The following NLRP8 variants were observed in gnomAD, a reference collection of about 807,000 sequenced individuals.
The protein encoded by NLRP8 is NLR family pyrin domain containing 8.
In NLRP8, 86 loss-of-function variants were observed where a neutral mutation model predicts 88.7. The observed-to-expected ratio is 0.97, with a 90% CI of 0.81 to 1.16. NLRP8 has a LOEUF of 1.16. NLRP8 is among the 50% of genes most tolerant of loss of function. The probability of loss-of-function intolerance (pLI) is 0.00; values close to 1 mark genes in which losing one functional copy is unlikely to be tolerated. For synonymous variants in NLRP8, 504 were observed against 494.6 expected (o/e 1.02, Z -0.25); for missense variants, 1,342 against 1,286.5 (o/e 1.04, Z -0.66).
rs1978931073 is a variant in NLRP8, at chr19:55,948,122, G to C, written c.220G>C (p.Asp74His). Residue 74 changes from aspartate to histidine, a missense_variant, in exon 1 of 10, where the codon GAC (aspartate) becomes CAC (histidine). Asp to His is a moderately conservative substitution (Grantham distance 81). Coordinates refer to ENST00000291971, the MANE Select transcript of NLRP8 (RefSeq NM_176811.2). The stretch of plus-strand genomic sequence containing the variant: ...TACTGGCACCATGCCCATCACCTGG[G>C]ACCAGGTCGAGACAGCCAGCTGGGC... 3 of 1,614,164 alleles carry C rather than the reference G, an allele frequency of 1.9e-6. No homozygotes were observed. Among genetic ancestry groups the C allele is most frequent in the East Asian group, 4.5e-5 (2 of 44,870 alleles).
chr19:55,953,155 A>T (rs1269685840), intron 2 of NLRP8, among the ~76,000 whole-genome samples: 1 of 152,016 alleles, frequency 6.6e-6, no homozygotes, highest in African/African-American at 2.4e-5. Context: ...AGATTCTCAT[A>T]GGAGTGCAAA....
chr19:55,955,104 C>A lies in NLRP8; in HGVS notation c.1046C>A (p.Pro349His), dbSNP rs771782506. 5 of 1,614,020 alleles carry A rather than the reference C, an allele frequency of 3.1e-6. No homozygotes were observed. The South Asian group carries it at 3.3e-5, about 11-fold the overall frequency. ...ACATGCAAGCCCTTGCTGAAATGTC[C>A]CTCTCTCGTAACCCTTCCGGGGTTT... Residue 349 changes from proline (P) to histidine (H), a missense_variant, in exon 3 of 10, where the codon CCC becomes CAC. Coordinates refer to ENST00000291971, the MANE Select transcript of NLRP8 (RefSeq NM_176811.2).
intron 2 of NLRP8, among the ~76,000 whole-genome samples, chr19:55,953,034 G>A (rs1979166836): frequency 6.6e-6 from 1 of 152,176 alleles, no homozygotes; most frequent in Non-Finnish European, 1.5e-5. Flanking sequence ...GGGCCACACA[G>A]CAGGAGGTGA....
chr19:55,970,445 G>T (rs1980023394), intron 5 of NLRP8, 99 bp from the exon 6 acceptor site: 1 of 1,361,674 alleles, frequency 7.3e-7, no homozygotes, highest in Non-Finnish European at 1.0e-6. Flanking sequence ...CCGAGTCTCT[G>T]CTGTGAAGAC....
intron 3 of NLRP8, among the ~76,000 whole-genome samples, chr19:55,960,552 C>G (rs146362720): frequency 6.6e-6 from 1 of 152,134 alleles, no homozygotes; most frequent in Non-Finnish European, 1.5e-5. Flanking sequence ...GCGTAAAGAC[C>G]TGACATCCGT....
intron 2 of NLRP8, among the ~76,000 whole-genome samples, chr19:55,953,614 C>T (rs1350025327): frequency 6.6e-5 from 10 of 152,026 alleles, no homozygotes; most frequent in Admixed American, 1.3e-4. Flanking sequence ...ATTCTCCTGC[C>T]TTAGCCTCCT....
intron 1 of NLRP8, among the ~76,000 whole-genome samples, chr19:55,949,517 T>A (rs1397129332): frequency 6.6e-6 from 1 of 152,144 alleles, no homozygotes; most frequent in Non-Finnish European, 1.5e-5. Context: ...GAATTACAGG[T>A]GTGAGCCACC....
intron 8 of NLRP8, among the ~76,000 whole-genome samples, chr19:55,977,071 C>G (rs1273176202): frequency 1.4e-5 from 2 of 142,066 alleles, no homozygotes; most frequent in East Asian, 2.0e-4. Flanking sequence ...CAGAGTGAGA[C>G]TCTGTCTCAA....
chr19:55,961,990 C>T, intron 3 of NLRP8, 77 bp from the exon 4 acceptor site: 2 of 1,489,312 alleles, frequency 1.3e-6, no homozygotes, highest in Non-Finnish European at 1.8e-6. Context: ...GGATAGGGAA[C>T]ACCAGCCCTG....
At chr19:55,981,859 TTTACAATG>T (rs1201484942) in intron 9 of NLRP8, among the ~76,000 whole-genome samples, 1 of 152,146 alleles carries the variant, frequency 6.6e-6, no homozygotes, top group Admixed American at 6.6e-5. Flanking sequence ...CAGCCATCTT[TTTACAATG>T]TAATGATCAG....
chr19:55,964,793 G>A lies in NLRP8; in HGVS notation c.2214-1420G>A, dbSNP rs538110331. Among the ~76,000 whole-genome samples, 184 of 151,700 alleles carry A rather than the reference G, an allele frequency of 1.2e-3. 2 individuals carry two copies. In the South Asian group the frequency reaches 0.016, roughly 13 times the overall value. Reference sequence around the variant, plus strand: ...AAAAAAGAACTAGTTAGCCACCTCCGTTGTGGTGATGGCATCACGAATATA... The same window carrying A: ...AAAAAAGAACTAGTTAGCCACCTCCATTGTGGTGATGGCATCACGAATATA... On this transcript the variant is annotated intron_variant, in intron 4 of 9. Coordinates refer to ENST00000291971, the MANE Select transcript of NLRP8 (RefSeq NM_176811.2).
intron 4 of NLRP8, among the ~76,000 whole-genome samples, chr19:55,965,416 A>G (rs936265658): frequency 4.0e-5 from 6 of 151,820 alleles, no homozygotes; most frequent in African/African-American, 1.5e-4. Context: ...GCACCACTGC[A>G]CTCCAGCCTG....
At chr19:55,965,819 C>A (rs538828829) in intron 4 of NLRP8, among the ~76,000 whole-genome samples, 2 of 149,260 alleles carry the variant, frequency 1.3e-5, no homozygotes, top group Non-Finnish European at 3.0e-5. Flanking sequence ...CCCCACCCCC[C>A]CAGAGGCCCC....
chr19:55,974,690 C>A (rs1251337837), intron 7 of NLRP8, among the ~76,000 whole-genome samples: 1 of 150,212 alleles, frequency 6.7e-6, no homozygotes, highest in South Asian at 2.1e-4. Flanking sequence ...GAGCCAAGAT[C>A]GCACCACTGC....
rs952082480 is a variant in NLRP8, at chr19:55,987,854, A to G, written c.3088A>G (p.Thr1030Ala). ...GACTCGAATAACTAGCTTCTCCCCA[A>G]CTCCTCACCCACCCGACTTCACGGG... The change falls in exon 10 of 10, where the codon ACT (threonine) becomes GCT (alanine). Residue 1030 changes from threonine (T) to alanine (A), a missense_variant. Coordinates refer to ENST00000291971, the MANE Select transcript of NLRP8 (RefSeq NM_176811.2). The G allele has an allele frequency of 1.2e-6, 2 of 1,613,228 alleles. No homozygotes were observed. The highest frequency in any genetic ancestry group is 1.7e-6 in the Non-Finnish European group (2 of 1,179,836).
intron 6 of NLRP8, among the ~76,000 whole-genome samples, chr19:55,971,872 G>A (rs537041804): frequency 5.3e-5 from 8 of 152,136 alleles, no homozygotes; most frequent in Non-Finnish European, 8.8e-5. Flanking sequence ...TGTTGGGCAG[G>A]AAATGGTACC....
At chr19:55,953,966 G>A (rs1474837952) in intron 2 of NLRP8, among the ~76,000 whole-genome samples, 1 of 149,696 alleles carries the variant, frequency 6.7e-6, no homozygotes, top group African/African-American at 2.5e-5. Flanking sequence ...ACCACGCCTG[G>A]CTAATTTTGT....
At chr19:55,962,553 G>A (rs1181662630) in intron 4 of NLRP8, among the ~76,000 whole-genome samples, 2 of 152,156 alleles carry the variant, frequency 1.3e-5, no homozygotes, top group African/African-American at 2.4e-5. Flanking sequence ...AGTGGGTCAC[G>A]GAATTCCTGA....
intron 3 of NLRP8, among the ~76,000 whole-genome samples, 171 bp from the exon 4 acceptor site, chr19:55,961,896 A>AT (rs1979627925): frequency 6.6e-6 from 1 of 152,222 alleles, no homozygotes; most frequent in Non-Finnish European, 1.5e-5. Context: ...CTGGAATGAA[A>AT]TGAGAAACCT....
Sources: allele counts gnomAD v4.1 joint callset (sites outside exome capture counted in the v4.1 genomes callset), GRCh38; gene constraint gnomAD v4.1.1; transcripts MANE v1.5; gene names NCBI Gene and HGNC (gene_info 2026-07-23, HGNC 2026-07-21).